Variants in ITPRIP observed in about 807,000 individuals in gnomAD.
ITPRIP encodes inositol 1,4,5-trisphosphate receptor interacting protein.
In ITPRIP, 32 loss-of-function variants were observed where a neutral mutation model predicts 35.8. The ratio of observed to expected loss-of-function variants is 0.89; its 90% CI spans 0.68 to 1.20. The LOEUF (loss-of-function observed/expected upper bound fraction) is 1.20, where lower values mean the gene tolerates loss of function less well. Among genes scored for constraint, ITPRIP ranks in the 50% most tolerant of loss-of-function variants. ITPRIP has a pLI of 0.00. For synonymous variants in ITPRIP, 358 were observed against 324.0 expected (o/e 1.11, Z -1.13); for missense variants, 653 against 735.6 (o/e 0.89, Z 1.30).
intron 1 of ITPRIP, among the ~76,000 whole-genome samples, chr10:104,337,978 G>A (rs1240763035): frequency 1.3e-5 from 2 of 152,232 alleles, no homozygotes; most frequent in Admixed American, 1.3e-4. Context: ...CCGCAGCCCT[G>A]GCTGGAGCGA....
rs765193846 is a variant in ITPRIP at position 104,315,992 on chromosome 10, C to A, written c.60G>T (p.Pro20=). 1.2e-6 allele frequency: 2 copies of A among 1,611,018 alleles called. No individual in the cohort carries two copies. Among genetic ancestry groups the A allele is most frequent in the Non-Finnish European group, 1.7e-6 (2 of 1,178,870 alleles). ...LVVVTAIINH[P]LLFPRENATV... ...TGGCGTTCTCCCGCGGGAACAGCAGCGGGTGGTTGATGATGGCCGTCACCA... is the reference window on the plus strand; with the variant it reads ...TGGCGTTCTCCCGCGGGAACAGCAGAGGGTGGTTGATGATGGCCGTCACCA... Residue 20 remains proline (P), a synonymous_variant, in exon 2 of 2, where the codon CCG becomes CCT. Transcript: ENST00000337478. This position sits in a 1 kb window ranked among gnomAD's most constrained non-coding sequence, Gnocchi z 5.7.
In ITPRIP at chr10:104,337,255, G is replaced by C. The variant is rs559320986; in HGVS notation, c.-14+991C>G. Among the ~76,000 whole-genome samples, 4 of 152,236 alleles carry C rather than the reference G, an allele frequency of 2.6e-5. No individual in the cohort carries two copies. The East Asian group carries it at 7.7e-4, about 29-fold the overall frequency. ...CGGTTTGTAAAAGGCAAGAGCACTG[G>C]GTCATATCCAAAAAAAGAACAAGAA... is the stretch of plus-strand genomic sequence containing the variant. On this transcript the variant is annotated intron_variant, in intron 1 of 1. Coordinates refer to ENST00000337478, the MANE Select transcript of ITPRIP (RefSeq NM_001272013.2).
chr10:104,319,865 T>C (rs1169269154), intron 1 of ITPRIP, among the ~76,000 whole-genome samples: 2 of 151,958 alleles, frequency 1.3e-5, no homozygotes, highest in South Asian at 2.1e-4. Context: ...CAAACCCCAT[T>C]ATACCCTCCT....
At chr10:104,332,911 C>T (rs566132053) in intron 1 of ITPRIP, among the ~76,000 whole-genome samples, 1 of 152,246 alleles carries the variant, frequency 6.6e-6, no homozygotes, top group African/African-American at 2.4e-5. Context: ...CACTCTTCCT[C>T]TCCATGTGCA....
At position 104,315,134 on chromosome 10, in the gene ITPRIP, C is replaced by T. The variant is rs748039836; in HGVS notation, c.918G>A (p.Thr306=). 47 of 1,613,870 alleles carry T rather than the reference C, an allele frequency of 2.9e-5. No homozygotes were observed. Among genetic ancestry groups the T allele is most frequent in the Middle Eastern group, 1.6e-4 (1 of 6,082 alleles). Reference sequence around the variant, plus strand: ...TGCCCTTCCAGGCTCTGGTGAGGGCCGTCTGGAACCACTTCATGACCTGCA... The same window carrying T: ...TGCCCTTCCAGGCTCTGGTGAGGGCTGTCTGGAACCACTTCATGACCTGCA... ...DTMQVMKWFQ[T]ALTRAWKGIA... Residue 306 remains threonine (T), a synonymous_variant, in exon 2 of 2, where the codon ACG becomes ACA. Transcript: ENST00000337478. This position sits in a 1 kb window ranked among gnomAD's most constrained non-coding sequence, Gnocchi z 5.7.
intron 1 of ITPRIP, among the ~76,000 whole-genome samples, chr10:104,321,220 G>A (rs1048103729): frequency 6.6e-6 from 1 of 152,188 alleles, no homozygotes; most frequent in African/African-American, 2.4e-5. Context: ...CAGCTGGTGG[G>A]TTTGGCTTTG....
chr10:104,331,794 T>C, intron 1 of ITPRIP, among the ~76,000 whole-genome samples: 1 of 152,164 alleles, frequency 6.6e-6, no homozygotes. Flanking sequence ...CACCCTCAGA[T>C]AGCTCAGGCC....
intron 1 of ITPRIP, among the ~76,000 whole-genome samples, chr10:104,332,900 A>G (rs2014175469): frequency 1.3e-5 from 2 of 152,190 alleles, no homozygotes; most frequent in Admixed American, 6.5e-5. Flanking sequence ...TGGATTCCAT[A>G]CACTCTTCCT....
chr10:104,313,077 A>C lies in ITPRIP; in HGVS notation c.*1331T>G. ...GTCATCTGTGTGGTCAGCAGTGCCCACACAGAAGGGGTGGGTTCTGTGCAG... is the reference window on the plus strand; with the variant it reads ...GTCATCTGTGTGGTCAGCAGTGCCCCCACAGAAGGGGTGGGTTCTGTGCAG... On this transcript the variant is annotated 3_prime_UTR_variant, in exon 2 of 2. Transcript: ENST00000337478. The C allele has an allele frequency of 1.0e-6, 1 of 985,368 alleles. No individual in the cohort carries two copies. Among genetic ancestry groups the C allele is most frequent in the Non-Finnish European group, 1.2e-6 (1 of 829,950 alleles). The allele number at this position is 985,368 out of a possible 1,614,324, so 61.0% of individuals were successfully genotyped here.
intron 1 of ITPRIP, among the ~76,000 whole-genome samples, chr10:104,316,939 G>A (rs1307758573): frequency 6.6e-6 from 1 of 152,192 alleles, no homozygotes; most frequent in Non-Finnish European, 1.5e-5. Context: ...TTTCCTTACT[G>A]CACAAGGGGA....
intron 1 of ITPRIP, among the ~76,000 whole-genome samples, chr10:104,316,266 G>T (rs939140564): frequency 2.6e-5 from 4 of 152,104 alleles, no homozygotes; most frequent in Non-Finnish European, 5.9e-5. Context: ...GTGGACATCT[G>T]TTTTAGTCCT....
At position 104,310,869 on chromosome 10, in the gene ITPRIP, A is replaced by C. The variant is rs1468717286; in HGVS notation, c.*3539T>G. On this transcript the variant is annotated 3_prime_UTR_variant, in exon 2 of 2. Coordinates refer to ENST00000337478, the MANE Select transcript of ITPRIP (RefSeq NM_001272013.2). ...CCAGAATCAGGTGGGGAACTTGGTG[A>C]AGTGCAGATTCTTCTACCTAACTTC... is the stretch of plus-strand genomic sequence containing the variant. The C allele has an allele frequency of 6.6e-6, 1 of 152,140 alleles. No individual in the cohort carries two copies. The highest frequency in any genetic ancestry group is 1.5e-5 in the Non-Finnish European group (1 of 68,046). The allele number at this position is 152,140 out of a possible 1,614,324, so 9.4% of individuals were successfully genotyped here.
intron 1 of ITPRIP, 79 bp from the exon 2 acceptor site, chr10:104,316,143 C>A: frequency 8.0e-7 from 1 of 1,254,622 alleles, no homozygotes; most frequent in Non-Finnish European, 1.1e-6. Flanking sequence ...CAACCTCAGC[C>A]CCTCAGGGCT....
At chr10:104,336,183 A>G (rs374096102) in intron 1 of ITPRIP, among the ~76,000 whole-genome samples, 18 of 152,336 alleles carry the variant, frequency 1.2e-4, no homozygotes, top group African/African-American at 3.8e-4. Flanking sequence ...ATTCATGCGA[A>G]GGACTGAATA....
chr10:104,330,085 A>C (rs1326930641), intron 1 of ITPRIP, among the ~76,000 whole-genome samples: 1 of 151,490 alleles, frequency 6.6e-6, no homozygotes, highest in East Asian at 1.9e-4. Context: ...ACCCTCCCTT[A>C]CTCCCTCCAA....
chr10:104,324,756 A>C (rs1409687907), intron 1 of ITPRIP, among the ~76,000 whole-genome samples: 4 of 152,214 alleles, frequency 2.6e-5, no homozygotes, highest in Non-Finnish European at 4.4e-5. Context: ...ACACTGGTCG[A>C]CTGGATGGCA....
chr10:104,317,297 C>G (rs75249857), intron 1 of ITPRIP, among the ~76,000 whole-genome samples: 3,503 of 152,262 alleles, frequency 0.023, 148 homozygotes, highest in African/African-American at 0.08. Flanking sequence ...GATTTTTAAG[C>G]CTCAAGTGAC....
rs914789763 is a variant in ITPRIP, at chr10:104,310,502, A to G, written c.*3906T>C. ...CTACGACTTCTCAGTATATGCCAAC[A>G]TGTACACCAGGACTGCCTGGGTTGG... On this transcript the variant is annotated 3_prime_UTR_variant, in exon 2 of 2. Coordinates refer to ENST00000337478, the MANE Select transcript of ITPRIP (RefSeq NM_001272013.2). The G allele has an allele frequency of 6.6e-6, 1 of 152,082 alleles. No individual in the cohort carries two copies. Among genetic ancestry groups the G allele is most frequent in the African/African-American group, 2.4e-5 (1 of 41,374 alleles). 9.4% of individuals were successfully genotyped at this position (152,082 alleles called of 1,614,324 possible).
intron 1 of ITPRIP, among the ~76,000 whole-genome samples, chr10:104,334,510 T>C (rs2135214519): frequency 6.6e-6 from 1 of 152,360 alleles, no homozygotes; most frequent in Non-Finnish European, 1.5e-5. Flanking sequence ...TGCAAATCTA[T>C]GTCTCTGGGA....
Sources: gnomAD v4.1 joint callset for allele counts (sites outside exome capture counted in the v4.1 genomes callset) on GRCh38, gnomAD v4.1.1 for gene constraint, Gnocchi (gnomAD v3.1) non-coding constraint, MANE v1.5 for transcripts, NCBI Gene and HGNC (gene_info 2026-07-23, HGNC 2026-07-21) for gene names.